Variants in ALKBH8 observed in about 807,000 individuals in gnomAD.
The protein encoded by ALKBH8 is tRNA (carboxymethyluridine(34)-5-O)-methyltransferase ALKBH8.
A neutral mutation model predicts 59.8 loss-of-function variants in ALKBH8; 36 were observed. The ratio of observed to expected loss-of-function variants is 0.60; its 90% CI spans 0.46 to 0.79. The LOEUF (loss-of-function observed/expected upper bound fraction) is 0.79, where lower values mean the gene tolerates loss of function less well. ALKBH8 is among the 30% of genes least tolerant of loss of function. The pLI is 0.00. For synonymous variants in ALKBH8, 276 were observed against 273.6 expected, an observed-to-expected ratio of 1.01 and a Z score of -0.09; for missense variants, 768 against 801.0, an observed-to-expected ratio of 0.96 and a Z score of 0.50.
chr11:107,539,277 A>G (rs527408362), intron 7 of ALKBH8, among the ~76,000 whole-genome samples: 92 of 152,304 alleles, frequency 6.0e-4, no homozygotes, highest in African/African-American at 2.1e-3. Flanking sequence ...CCTATGCCAT[A>G]TGGCCTCCTC....
At chr11:107,515,520 T>C (rs148820920) in intron 10 of ALKBH8, among the ~76,000 whole-genome samples, 250 of 152,238 alleles carry the variant, frequency 1.6e-3, no homozygotes, top group Middle Eastern at 6.8e-3. Flanking sequence ...CATGCCTGGC[T>C]AATTTTTAAA....
Position 107,512,348 on chromosome 11 carries a change from C to G in ALKBH8, c.1288-1312G>C, listed in dbSNP as rs1048368309. On this transcript the variant is annotated intron_variant, in intron 10 of 11. Coordinates refer to ENST00000428149, the MANE Select transcript of ALKBH8 (RefSeq NM_138775.3). The stretch of plus-strand genomic sequence containing the variant: ...TTTGGTTTTGAGACAGGGTCTCACT[C>G]TATTACCTAAGCTCGAGTACAGTGG... Among the ~76,000 whole-genome samples, 3 of 152,078 alleles carry G rather than the reference C, an allele frequency of 2.0e-5. No homozygotes were observed. In the East Asian group the frequency reaches 5.8e-4, roughly 29 times the overall value.
chr11:107,512,991 C>T (rs1483542194), intron 10 of ALKBH8, among the ~76,000 whole-genome samples: 1 of 151,946 alleles, frequency 6.6e-6, no homozygotes, highest in Non-Finnish European at 1.5e-5. Flanking sequence ...TAGGCTCTGG[C>T]AAAGATTTCA....
Position 107,504,880 on chromosome 11 carries a change from A to G in ALKBH8, c.1773T>C (p.Asp591=), listed in dbSNP as rs1259279536. The stretch of plus-strand genomic sequence containing the variant: ...CCTTAAGGTGCCAGGGAACCAGTAC[A>G]TCTTGAGAATAAAAAGAAGTCCTGT... ...HVNRTSFYSQ[D]VLVPWHLKGN... Residue 591 remains aspartate (D), a synonymous_variant, in exon 12 of 12, where the codon GAT becomes GAC. Coordinates refer to ENST00000428149, the MANE Select transcript of ALKBH8 (RefSeq NM_138775.3). 13 of 1,551,886 alleles carry G rather than the reference A, an allele frequency of 8.4e-6. No homozygotes were observed. Among genetic ancestry groups the G allele is most frequent in the Non-Finnish European group, 1.1e-5 (13 of 1,147,010 alleles).
At chr11:107,524,852 T>G (rs897195389) in intron 9 of ALKBH8, among the ~76,000 whole-genome samples, 9 of 152,178 alleles carry the variant, frequency 5.9e-5, no homozygotes, top group Admixed American at 1.3e-4. Context: ...CAAAATATTA[T>G]TTACAAAATG....
At position 107,525,487 on chromosome 11, in the gene ALKBH8, TCGTAGTCCC is replaced by T; in HGVS notation, c.975_983del (p.Gly326_Arg328del). ...TCACTTTCCTAAATGTAAATGATGT[TCGTAGTCCC>T]CTCTTGCTTAAAGTTAAGTCTCCAA... On this transcript the variant is annotated inframe_deletion, in exon 9 of 12. Transcript: ENST00000428149. 6.5e-7 allele frequency: 1 copy of T among 1,545,238 alleles called. No homozygotes were observed. The highest frequency in any genetic ancestry group is 8.7e-7 in the Non-Finnish European group (1 of 1,144,182).
Position 107,504,654 on chromosome 11 carries a change from A to G in ALKBH8, c.*4T>C, listed in dbSNP as rs908540946. ...CTTTATATATGATGTGTTCAGGTAA[A>G]TAATCAGGCCTTTTGAAGAATCACA... On this transcript the variant is annotated 3_prime_UTR_variant, in exon 12 of 12. Transcript: ENST00000428149. The G allele has an allele frequency of 6.5e-7, 1 of 1,544,316 alleles. No individual in the cohort carries two copies. The highest frequency in any genetic ancestry group is 2.0e-5 in the Admixed American group (1 of 49,130).
rs373891703 is a variant in ALKBH8 at position 107,524,668 on chromosome 11, G to A, written c.1030+773C>T. On this transcript the variant is annotated intron_variant, in intron 9 of 11. Coordinates refer to ENST00000428149, the MANE Select transcript of ALKBH8 (RefSeq NM_138775.3). ...GCTCTTTTAAGCTTCAGTAACATCAGGATATAAAATATAGAAATTTCAAGT... is the reference window on the plus strand; with the variant it reads ...GCTCTTTTAAGCTTCAGTAACATCAAGATATAAAATATAGAAATTTCAAGT... 6.6e-5 allele frequency among the ~76,000 whole-genome samples: 10 copies of A among 152,128 alleles called. 1 individual carries two copies. Among genetic ancestry groups the A allele is most frequent in the African/African-American group, 2.4e-4 (10 of 41,520 alleles).
chr11:107,522,288 A>G lies in ALKBH8; in HGVS notation c.1287+11T>C. On this transcript the variant is annotated intron_variant, in intron 10 of 11. Transcript: ENST00000428149. ...TTAAGCAAAAAGAAAGTCAAAAGCA[A>G]CATTACTTGCCATATATAACTCCTT... The G allele has an allele frequency of 1.1e-5, 17 of 1,550,742 alleles. No individual in the cohort carries two copies. The highest frequency in any genetic ancestry group is 1.5e-5 in the Non-Finnish European group (17 of 1,146,304).
intron 8 of ALKBH8, among the ~76,000 whole-genome samples, chr11:107,529,532 T>G (rs1014980930): frequency 6.6e-6 from 1 of 151,458 alleles, no homozygotes; most frequent in Non-Finnish European, 1.5e-5. Flanking sequence ...TGATATGGAG[T>G]CTCACTCTGT....
intron 4 of ALKBH8, 124 bp from the exon 5 acceptor site, chr11:107,553,327 T>C (rs973202123): frequency 6.9e-6 from 4 of 577,600 alleles, no homozygotes; most frequent in South Asian, 5.1e-5. Context: ...TGGTAAATTA[T>C]GGTCTTTAAC....
intron 7 of ALKBH8, among the ~76,000 whole-genome samples, chr11:107,537,782 C>T (rs1438347083): frequency 6.6e-6 from 1 of 151,552 alleles, no homozygotes; most frequent in Non-Finnish European, 1.5e-5. Flanking sequence ...GCATTTAAAA[C>T]TAGTGTCACA....
intron 8 of ALKBH8, among the ~76,000 whole-genome samples, chr11:107,531,837 C>T (rs1247412940): frequency 2.0e-5 from 3 of 152,168 alleles, no homozygotes; most frequent in African/African-American, 7.2e-5. Context: ...CCATTCTTAG[C>T]TCAAGAGCTG....
chr11:107,529,974 CA>C (rs1404145050), intron 8 of ALKBH8, among the ~76,000 whole-genome samples: 1 of 152,092 alleles, frequency 6.6e-6, no homozygotes, highest in Non-Finnish European at 1.5e-5. Flanking sequence ...AGTAGGCCCC[CA>C]CCTAAAGAAT....
intron 8 of ALKBH8, 51 bp downstream of exon 8, chr11:107,532,249 G>T: frequency 6.7e-7 from 1 of 1,490,792 alleles, no homozygotes; most frequent in South Asian, 1.2e-5. Flanking sequence ...AAACACAGAA[G>T]AATGAGAAGT....
In ALKBH8 at chr11:107,550,712, A is replaced by G. The variant is rs188251846; in HGVS notation, c.701-889T>C. 4.2e-4 allele frequency among the ~76,000 whole-genome samples: 64 copies of G among 152,324 alleles called. 1 individual carries two copies. In the South Asian group the frequency reaches 7.3e-3, roughly 17 times the overall value. On this transcript the variant is annotated intron_variant, in intron 6 of 11. Transcript: ENST00000428149. ...AATGTAGAAAAGAAAACAAAACTCCATAACTCCTGCCGTTAATAAAACCCT... is the reference window on the plus strand; with the variant it reads ...AATGTAGAAAAGAAAACAAAACTCCGTAACTCCTGCCGTTAATAAAACCCT...
intron 10 of ALKBH8, among the ~76,000 whole-genome samples, chr11:107,520,729 G>C (rs1056362447): frequency 3.3e-5 from 5 of 152,024 alleles, no homozygotes; most frequent in African/African-American, 1.2e-4. Context: ...TTGTAAACAT[G>C]GTAACAATAT....
In ALKBH8 at chr11:107,551,912, C is replaced by G. The variant is rs770511664; in HGVS notation, c.596G>C (p.Gly199Ala). 2 of 1,470,326 alleles carry G rather than the reference C, an allele frequency of 1.4e-6. No homozygotes were observed. The highest frequency in any genetic ancestry group is 2.9e-5 in the South Asian group (2 of 68,082). 91.1% of individuals were successfully genotyped at this position (1,470,326 alleles called of 1,614,324 possible). A position where few individuals can be genotyped will look rare whatever the true frequency, so the allele number is the denominator to read the frequency against. The change falls in exon 6 of 12, where the codon GGT becomes GCT. Residue 199 changes from glycine to alanine, a missense_variant and splice_region_variant. Transcript: ENST00000428149. ...NVDKDKPLSG[G>A]LPDICESFLE... is the part of the protein sequence containing the mutation. Reference sequence around the variant, plus strand: ...AAAGCTTTCACAAATGTCAGGAAGACCTACAATGAGTAATCATAAAGACAA... The same window carrying G: ...AAAGCTTTCACAAATGTCAGGAAGAGCTACAATGAGTAATCATAAAGACAA...
chr11:107,558,324 C>T (rs1864796871), intron 2 of ALKBH8, among the ~76,000 whole-genome samples: 1 of 152,178 alleles, frequency 6.6e-6, no homozygotes, highest in African/African-American at 2.4e-5. Flanking sequence ...CATATACATA[C>T]ATAATAAACA....
Sources: gnomAD v4.1 joint callset for allele counts (sites outside exome capture counted in the v4.1 genomes callset) on GRCh38, gnomAD v4.1.1 for gene constraint, MANE v1.5 for transcripts, NCBI Gene and HGNC (gene_info 2026-07-23, HGNC 2026-07-21) for gene names.